Variants in OPN3 observed in about 807,000 individuals in gnomAD.
The protein encoded by OPN3 is opsin-3.
Under a neutral mutation model 33.8 loss-of-function variants are expected in OPN3, and 29 were observed. The observed-to-expected ratio is 0.86, with a 90% confidence interval of 0.64 to 1.17. The LOEUF (loss-of-function observed/expected upper bound fraction) is 1.17, where lower values mean the gene tolerates loss of function less well. OPN3 is among the 50% of genes most tolerant of loss of function. OPN3 has a pLI of 0.00. For missense variants in OPN3, 437 were observed against 514.1 expected, an observed-to-expected ratio of 0.85 and a Z score of 1.45; for synonymous variants, 216 against 216.1, an observed-to-expected ratio of 1.00 and a Z score of 0.00.
rs780783855 is a variant in OPN3, at chr1:241,594,063, G to T, written c.*365C>A. Reference sequence around the variant, plus strand: ...TTCTAGCTACTTCACACATGTGTACGCGACAGTTATTTTTACAGTAAGGTA... The same window carrying T: ...TTCTAGCTACTTCACACATGTGTACTCGACAGTTATTTTTACAGTAAGGTA... On this transcript the variant is annotated 3_prime_UTR_variant, in exon 4 of 4. Transcript: ENST00000366554. 1.7e-4 allele frequency: 38 copies of T among 226,004 alleles called. No individual in the cohort carries two copies. The highest frequency in any genetic ancestry group is 3.0e-4 in the Non-Finnish European group (34 of 114,242). 14.0% of individuals were successfully genotyped at this position (226,004 alleles called of 1,614,324 possible).
chr1:241,595,195 A>T (rs1293333233), intron 3 of OPN3: 1 of 153,420 alleles, frequency 6.5e-6, no homozygotes, highest in Non-Finnish European at 1.5e-5. Context: ...TGGGGAAAAA[A>T]ATACTATAGC....
chr1:241,606,802 G>A (rs1018137644), intron 1 of OPN3, among the ~76,000 whole-genome samples: 2 of 152,166 alleles, frequency 1.3e-5, no homozygotes, highest in African/African-American at 4.8e-5. Flanking sequence ...CTGGTCTCCT[G>A]AGAAGTAAGG....
At chr1:241,623,322 A>G (rs1300009820) in intron 1 of OPN3, among the ~76,000 whole-genome samples, 1 of 152,174 alleles carries the variant, frequency 6.6e-6, no homozygotes, top group East Asian at 1.9e-4. Context: ...TGTCCTGACT[A>G]CTATTGCCCT....
At position 241,604,720 on chromosome 1, in the gene OPN3, C is replaced by G. The variant is rs1461877162; in HGVS notation, c.374-141G>C. 32 of 740,592 alleles carry G rather than the reference C, an allele frequency of 4.3e-5. 1 individual carries two copies. The highest frequency in any genetic ancestry group is 6.7e-5 in the Non-Finnish European group (31 of 465,534). The allele number at this position is 740,592 out of a possible 1,614,324, so 45.9% of individuals were successfully genotyped here. A position where few individuals can be genotyped will look rare whatever the true frequency, so the allele number is the denominator to read the frequency against. On this transcript the variant is annotated intron_variant, in intron 1 of 3. Transcript: ENST00000366554. ...CTCTCAAAGCCAAGAGTAATAGTGT[C>G]TATAGTCCCAAGGAAATTATACTGA... is the stretch of plus-strand genomic sequence containing the variant.
At chr1:241,631,129 T>G (rs1457721273) in intron 1 of OPN3, 3 of 152,120 alleles carry the variant, frequency 2.0e-5, no homozygotes, top group Non-Finnish European at 2.9e-5. Context: ...CAGAAAATTA[T>G]ACTGGGTTAC....
At chr1:241,639,833 G>A (rs1276792638) in intron 1 of OPN3, 49 bp downstream of exon 1, 1 of 1,425,552 alleles carries the variant, frequency 7.0e-7, no homozygotes, top group Non-Finnish European at 9.2e-7. Flanking sequence ...AGCGGGGTGG[G>A]GAGTGGAAGT....
chr1:241,618,699 T>C (rs1573959965), intron 1 of OPN3, among the ~76,000 whole-genome samples: 1 of 152,192 alleles, frequency 6.6e-6, no homozygotes, highest in African/African-American at 2.4e-5. Flanking sequence ...GCCATCGTTC[T>C]GTGTCTCTTT....
chr1:241,602,421 T>C (rs1663700508), intron 2 of OPN3, among the ~76,000 whole-genome samples: 1 of 152,128 alleles, frequency 6.6e-6, no homozygotes, highest in Non-Finnish European at 1.5e-5. Context: ...CAAGTTTGCC[T>C]TAAGTTGAGG....
At chr1:241,610,797 T>C (rs1278336814) in intron 1 of OPN3, among the ~76,000 whole-genome samples, 1 of 152,218 alleles carries the variant, frequency 6.6e-6, no homozygotes, top group Non-Finnish European at 1.5e-5. Flanking sequence ...ATGAATGTCG[T>C]CTGACTTCAG....
chr1:241,606,448 G>A (rs1038414565), intron 1 of OPN3, among the ~76,000 whole-genome samples: 7 of 152,066 alleles, frequency 4.6e-5, no homozygotes, highest in African/African-American at 1.7e-4. Flanking sequence ...GGGAGGCTGA[G>A]GCAGGAAAAT....
At chr1:241,637,690 T>C (rs993327986) in intron 1 of OPN3, among the ~76,000 whole-genome samples, 1 of 152,152 alleles carries the variant, frequency 6.6e-6, no homozygotes, top group Non-Finnish European at 1.5e-5. Flanking sequence ...GCAAGTAGGA[T>C]GGCCTTACAG....
chr1:241,632,261 G>C (rs1664667599), intron 1 of OPN3: 1 of 153,198 alleles, frequency 6.5e-6, no homozygotes, highest in African/African-American at 2.4e-5. Context: ...ATGATTGTGA[G>C]GCCTCCCCAG....
At chr1:241,628,878 TTTTA>T (rs1664504731) in intron 1 of OPN3, 1 of 152,598 alleles carries the variant, frequency 6.6e-6, no homozygotes, top group Admixed American at 6.5e-5. Context: ...CCAATTAATC[TTTTA>T]TTTTTTATTG....
intron 1 of OPN3, among the ~76,000 whole-genome samples, chr1:241,621,889 C>T (rs1319734616): frequency 6.6e-6 from 1 of 152,122 alleles, no homozygotes; most frequent in African/African-American, 2.4e-5. Flanking sequence ...TGATCAACTT[C>T]TGGGGAGAGG....
At chr1:241,634,467 A>C in intron 1 of OPN3, 1 of 1,613,718 alleles carries the variant, frequency 6.2e-7, no homozygotes, top group Non-Finnish European at 8.5e-7. Flanking sequence ...TCCACAATAA[A>C]ATATTTAGCA....
intron 1 of OPN3, among the ~76,000 whole-genome samples, chr1:241,617,035 T>A (rs1664151138): frequency 6.6e-6 from 1 of 152,268 alleles, no homozygotes; most frequent in Admixed American, 6.5e-5. Context: ...AATAACTTTA[T>A]TTCATATGAT....
At chr1:241,625,079 T>C (rs187181699) in intron 1 of OPN3, among the ~76,000 whole-genome samples, 178 of 152,360 alleles carry the variant, frequency 1.2e-3, no homozygotes, top group Middle Eastern at 3.4e-3. Flanking sequence ...CGGTTCATGC[T>C]CAATAAATAT....
At chr1:241,621,652 AG>A (rs1331942108) in intron 1 of OPN3, among the ~76,000 whole-genome samples, 1 of 152,130 alleles carries the variant, frequency 6.6e-6, no homozygotes, top group East Asian at 1.9e-4. Flanking sequence ...GGGGGCAGCC[AG>A]GGTTAAGTTA....
At chr1:241,639,778 G>C (rs1665043456) in intron 1 of OPN3, 104 bp downstream of exon 1, 12 of 1,137,264 alleles carry the variant, frequency 1.1e-5, no homozygotes, top group Non-Finnish European at 1.4e-5. Flanking sequence ...GGGCCGAGCG[G>C]GAAGCGGTGC....
Sources: allele counts gnomAD v4.1 joint callset (sites outside exome capture counted in the v4.1 genomes callset), GRCh38; gene constraint gnomAD v4.1.1; transcripts MANE v1.5; gene names NCBI Gene and HGNC (gene_info 2026-07-23, HGNC 2026-07-21).